Variants in PAK1 observed in about 807,000 individuals in gnomAD.
The protein encoded by PAK1 is serine/threonine-protein kinase PAK 1.
In PAK1, 29 loss-of-function variants were observed where a neutral mutation model predicts 67.4. That is an observed-to-expected ratio of 0.43 (90% CI 0.32 to 0.59). The LOEUF is 0.59. PAK1 is among the 20% of genes least tolerant of loss of function. The pLI is 0.07. For missense variants in PAK1, 337 were observed against 670.7 expected, an observed-to-expected ratio of 0.50 and a Z score of 5.50; for synonymous variants, 223 against 237.4, an observed-to-expected ratio of 0.94 and a Z score of 0.56.
Position 77,325,626 on chromosome 11 carries a change from A to G in PAK1, c.1552-2266T>C, listed in dbSNP as rs188975568. On this transcript the variant is annotated intron_variant, in intron 14 of 14. Transcript: ENST00000356341. ...ACTAATCGCAGGCTTAGCATATAGTATTTACACATTTCCCAGTGCCCACAG... is the reference window on the plus strand; with the variant it reads ...ACTAATCGCAGGCTTAGCATATAGTGTTTACACATTTCCCAGTGCCCACAG... Among the ~76,000 whole-genome samples, 4 of 152,282 alleles carry G rather than the reference A, an allele frequency of 2.6e-5. No individual in the cohort carries two copies. The East Asian group carries it at 7.7e-4, about 29-fold the overall frequency.
At chr11:77,458,601 A>C (rs1285937483) in intron 1 of PAK1, among the ~76,000 whole-genome samples, 1 of 152,176 alleles carries the variant, frequency 6.6e-6, no homozygotes, top group African/African-American at 2.4e-5. Flanking sequence ...TACATTGTTC[A>C]ATGTTAATAA....
rs1423782723 is a variant in PAK1 at position 77,394,209 on chromosome 11, A to G, written c.-21-1668T>C. ...AAATATAAGCTCTTTGGAGTTAAAC[A>G]CAACAGTGCTTTAGAGAATAATGGG... On this transcript the variant is annotated intron_variant, in intron 1 of 14. Transcript: ENST00000356341. 2.0e-5 allele frequency among the ~76,000 whole-genome samples: 3 copies of G among 152,226 alleles called. No individual in the cohort carries two copies. In the East Asian group the frequency reaches 5.8e-4, roughly 29 times the overall value.
Position 77,405,666 on chromosome 11 carries a change from GAC to G in PAK1, c.-21-13127_-21-13126del, listed in dbSNP as rs1186212637. On this transcript the variant is annotated intron_variant, in intron 1 of 14. Transcript: ENST00000356341. ...TCTCCTATTCAAAGACAGACAGACA[GAC>G]AGACAGACACACACACACACACACA... Among the ~76,000 whole-genome samples the G allele has an allele frequency of 1.3e-3, 156 of 117,450 alleles. 1 individual carries two copies. In the Middle Eastern group the frequency reaches 0.034, roughly 26 times the overall value. The allele number at this position is 117,450 out of a possible 152,430, so 77.1% of individuals were successfully genotyped here. A position where few individuals can be genotyped will look rare whatever the true frequency, so the allele number is the denominator to read the frequency against.
rs56952838 is a variant in PAK1, at chr11:77,446,511, CA to C, written c.-22+27040del. On this transcript the variant is annotated intron_variant, in intron 1 of 14. Transcript: ENST00000356341. ...TGAGTGAAACAGCGAGACCCTGTCT[CA>C]AAAAAAAAAAAAAAAAAAAAAAGAA... 3.9e-3 allele frequency among the ~76,000 whole-genome samples: 235 copies of C among 60,636 alleles called. 1 individual carries two copies. Among genetic ancestry groups the C allele is most frequent in the Middle Eastern group, 0.016 (2 of 124 alleles). The allele number at this position is 60,636 out of a possible 152,430, so 39.8% of individuals were successfully genotyped here.
Position 77,473,544 on chromosome 11 carries a change from GCT to G in PAK1, c.-22+6_-22+7del, listed in dbSNP as rs1024103576. ...GCGAGGGGTACTGGGCGGTAGGCCCGCTCTCACCTTCCGCGCTCGCTCAGCTC... is the reference window on the plus strand; with the variant it reads ...GCGAGGGGTACTGGGCGGTAGGCCCGCTCACCTTCCGCGCTCGCTCAGCTC... On this transcript the variant is annotated splice_donor_region_variant and intron_variant, in intron 1 of 14. Coordinates refer to ENST00000356341, the MANE Select transcript of PAK1 (RefSeq NM_002576.5). 6.5e-5 allele frequency: 10 copies of G among 152,864 alleles called. No individual in the cohort carries two copies. The highest frequency in any genetic ancestry group is 2.2e-4 in the African/African-American group (9 of 41,458). 9.5% of individuals were successfully genotyped at this position (152,864 alleles called of 1,614,324 possible). A position where few individuals can be genotyped will look rare whatever the true frequency, so the allele number is the denominator to read the frequency against.
chr11:77,503,690 C>T, the PAK1 span, among the ~76,000 whole-genome samples: 2 of 152,076 alleles, frequency 1.3e-5, no homozygotes, highest in South Asian at 4.1e-4. Context: ...AAATGAGATT[C>T]CACCTCTATA....
At chr11:77,342,515 C>T (rs1288203614) in intron 10 of PAK1, among the ~76,000 whole-genome samples, 4 of 152,230 alleles carry the variant, frequency 2.6e-5, no homozygotes, top group Admixed American at 6.5e-5. Flanking sequence ...ATACCCCTGT[C>T]GCCTTCAGTA....
chr11:77,412,109 T>C (rs967455988), intron 1 of PAK1: 2 of 152,324 alleles, frequency 1.3e-5, no homozygotes, highest in Non-Finnish European at 2.9e-5. Flanking sequence ...CTCTCAGCTA[T>C]TCTCCCCACC....
chr11:77,489,623 A>G, the PAK1 span, among the ~76,000 whole-genome samples: 1 of 151,624 alleles, frequency 6.6e-6, no homozygotes, highest in Non-Finnish European at 1.5e-5. Context: ...TGGTTTTCGT[A>G]TTTTTTTGGT....
At chr11:77,465,784 T>C (rs1437379387) in intron 1 of PAK1, among the ~76,000 whole-genome samples, 1 of 151,920 alleles carries the variant, frequency 6.6e-6, no homozygotes, top group East Asian at 1.9e-4. Flanking sequence ...ACCCTGTCTC[T>C]ACAAAAAATA....
At chr11:77,390,099 G>C (rs1405896796) in intron 2 of PAK1, among the ~76,000 whole-genome samples, 1 of 152,250 alleles carries the variant, frequency 6.6e-6, no homozygotes, top group Non-Finnish European at 1.5e-5. Context: ...ATTTAACACT[G>C]TCTCAGATCA....
intron 1 of PAK1, among the ~76,000 whole-genome samples, chr11:77,447,778 A>T (rs1314847813): frequency 1.3e-5 from 2 of 152,122 alleles, no homozygotes; most frequent in Non-Finnish European, 2.9e-5. Flanking sequence ...CGCCCACCTC[A>T]GCCTCCCAAA....
intron 1 of PAK1, among the ~76,000 whole-genome samples, chr11:77,402,180 CTAATTACG>C (rs538085496): frequency 5.3e-5 from 8 of 152,192 alleles, no homozygotes; most frequent in Non-Finnish European, 1.2e-4. Flanking sequence ...TCTTTCTACA[CTAATTACG>C]TAATTTGAGA....
chr11:77,462,192 G>A (rs941595684), intron 1 of PAK1, among the ~76,000 whole-genome samples: 2 of 151,972 alleles, frequency 1.3e-5, no homozygotes, highest in African/African-American at 2.4e-5. Context: ...TTAGCCAGGC[G>A]TGGTGGCGGG....
chr11:77,353,396 A>G (rs187780720), intron 8 of PAK1, 140 bp downstream of exon 8: 10 of 635,426 alleles, frequency 1.6e-5, no homozygotes, highest in Admixed American at 5.5e-5. Flanking sequence ...TCAGTCTCAC[A>G]TAACAACTCC....
intron 9 of PAK1, among the ~76,000 whole-genome samples, chr11:77,345,110 A>G (rs1214122718): frequency 2.6e-5 from 4 of 152,172 alleles, no homozygotes; most frequent in Non-Finnish European, 5.9e-5. Context: ...GCCCTATAAG[A>G]TCATATTTAT....
At chr11:77,378,189 T>G (rs148525740) in intron 4 of PAK1, among the ~76,000 whole-genome samples, 1 of 152,286 alleles carries the variant, frequency 6.6e-6, no homozygotes, top group African/African-American at 2.4e-5. Context: ...TTTAGCATAT[T>G]AGAAAGGCCT....
intron 2 of PAK1, among the ~76,000 whole-genome samples, chr11:77,380,412 G>C (rs763831328): frequency 7.9e-5 from 12 of 152,176 alleles, no homozygotes; most frequent in Admixed American, 7.9e-4. Flanking sequence ...AGGATCATTT[G>C]AGCCCAGGAT....
the PAK1 span, among the ~76,000 whole-genome samples, chr11:77,489,671 C>T: frequency 2.0e-5 from 3 of 151,698 alleles, no homozygotes; most frequent in Non-Finnish European, 2.9e-5. Context: ...GGCTGGTCTC[C>T]AGCTCCTAAC....
Sources: gnomAD v4.1 joint callset for allele counts (sites outside exome capture counted in the v4.1 genomes callset) on GRCh38, gnomAD v4.1.1 for gene constraint, MANE v1.5 for transcripts, NCBI Gene and HGNC (gene_info 2026-07-23, HGNC 2026-07-21) for gene names.